BCAR3: variants seen among roughly 807,000 people sequenced by gnomAD.
The protein encoded by BCAR3 is BCAR3 adaptor protein, NSP family member, also known as breast cancer anti-estrogen resistance protein 3.
In BCAR3, 37 loss-of-function variants were observed where a neutral mutation model predicts 80.1. The observed-to-expected ratio is 0.46, with a 90% confidence interval of 0.36 to 0.61. The LOEUF (loss-of-function observed/expected upper bound fraction) is 0.61, where lower values mean the gene tolerates loss of function less well. Among genes scored for constraint, BCAR3 ranks in the 20% least tolerant of loss-of-function variants. BCAR3 has a pLI of 0.00. For missense variants in BCAR3, 978 were observed against 1,068.2 expected (o/e 0.92, Z 1.18); for synonymous variants, 389 against 418.9 (o/e 0.93, Z 0.87).
At chr1:93,830,808 C>T (rs1654536256) in intron 2 of BCAR3, among the ~76,000 whole-genome samples, 1 of 152,170 alleles carries the variant, frequency 6.6e-6, no homozygotes, top group Non-Finnish European at 1.5e-5. Flanking sequence ...TGTCTTTGCC[C>T]TCACTCTGTG....
chr1:93,724,172 G>A (rs1650501146), intron 2 of BCAR3, among the ~76,000 whole-genome samples: 1 of 152,216 alleles, frequency 6.6e-6, no homozygotes, highest in Admixed American at 6.5e-5. Context: ...GAGCCACAGA[G>A]GGGAGCCCCA....
In BCAR3 at chr1:93,567,286, G is replaced by A. The variant is rs774605474; in HGVS notation, c.2292C>T (p.Ile764=). 3 of 1,613,804 alleles carry A rather than the reference G, an allele frequency of 1.9e-6. No homozygotes were observed. The highest frequency in any genetic ancestry group is 1.7e-5 in the Admixed American group (1 of 59,990). ...ADSYRMNAER[I]LAGFQPDEEM... ...ACAAAACCCATCTCTTACCTGCCAG[G>A]ATCCTCTCAGCATTCATCCGGTAGC... Residue 764 remains isoleucine (I), a synonymous_variant, in exon 11 of 12, where the codon ATC becomes ATT. Coordinates refer to ENST00000260502, the MANE Select transcript of BCAR3 (RefSeq NM_003567.4).
At position 93,739,129 on chromosome 1, in the gene BCAR3, A is replaced by G. The variant is rs138757690; in HGVS notation, c.-62-32987T>C. Among the ~76,000 whole-genome samples the G allele has an allele frequency of 1.5e-4, 23 of 152,290 alleles. No individual in the cohort carries two copies. In the East Asian group the frequency reaches 4.4e-3, roughly 29 times the overall value. On this transcript the variant is annotated intron_variant, in intron 2 of 13. Coordinates refer to the BCAR3 transcript ENST00000370244. ...CCCAGGTTCTGCTCCCTGGGTTTCA[A>G]GCGGTACAACTGGGAAATAAACTTC...
At chr1:93,623,376 T>C (rs565649199) in intron 3 of BCAR3, among the ~76,000 whole-genome samples, 2 of 152,272 alleles carry the variant, frequency 1.3e-5, no homozygotes, top group South Asian at 4.1e-4. Flanking sequence ...TTCATCCTTT[T>C]AATGGATGTG....
intron 7 of BCAR3, among the ~76,000 whole-genome samples, chr1:93,577,115 C>T (rs1204651653): frequency 2.0e-5 from 3 of 152,322 alleles, no homozygotes; most frequent in Non-Finnish European, 2.9e-5. Context: ...GATCATGTCA[C>T]TGTACTTAAG....
At chr1:93,782,804 T>C (rs574056034) in intron 2 of BCAR3, among the ~76,000 whole-genome samples, 1 of 152,198 alleles carries the variant, frequency 6.6e-6, no homozygotes, top group African/African-American at 2.4e-5. Flanking sequence ...TAGTATACGA[T>C]TGATGGATTT....
chr1:93,607,554 C>A (rs557281245), intron 3 of BCAR3, among the ~76,000 whole-genome samples: 1 of 151,860 alleles, frequency 6.6e-6, no homozygotes, highest in African/African-American at 2.4e-5. Flanking sequence ...TAGAGTCCAA[C>A]GCCCAAGCTC....
intron 2 of BCAR3, among the ~76,000 whole-genome samples, chr1:93,766,729 G>A (rs898143996): frequency 3.3e-5 from 5 of 152,228 alleles, no homozygotes; most frequent in African/African-American, 9.6e-5. Flanking sequence ...AGGATAAACC[G>A]ATTGTGCTGG....
chr1:93,691,960 A>G (rs1168270246), intron 3 of BCAR3, among the ~76,000 whole-genome samples: 1 of 152,206 alleles, frequency 6.6e-6, no homozygotes, highest in African/African-American at 2.4e-5. Context: ...ACTTGGTTAC[A>G]CTATTCTCTC....
rs566694086 is a variant in BCAR3 at position 93,586,018 on chromosome 1, G to A, written c.930-1897C>T. ...GAAATAAGTGTATCATGGAGAATGG[G>A]GTATCCATGCCCTCTAGCATTTATC... is the stretch of plus-strand genomic sequence containing the variant. On this transcript the variant is annotated intron_variant, in intron 5 of 11. Coordinates refer to ENST00000260502, the MANE Select transcript of BCAR3 (RefSeq NM_003567.4). This position sits in a 1 kb window ranked among gnomAD's most constrained non-coding sequence, Gnocchi z 4.2. Among the ~76,000 whole-genome samples, 12 of 152,184 alleles carry A rather than the reference G, an allele frequency of 7.9e-5. No individual in the cohort carries two copies. Among genetic ancestry groups the A allele is most frequent in the African/African-American group, 2.9e-4 (12 of 41,502 alleles).
chr1:93,616,728 A>G (rs979494462), intron 3 of BCAR3, among the ~76,000 whole-genome samples: 2 of 152,206 alleles, frequency 1.3e-5, no homozygotes, highest in Non-Finnish European at 2.9e-5. Flanking sequence ...ATTTGGATAC[A>G]GGGCTTTCTA....
intron 2 of BCAR3, among the ~76,000 whole-genome samples, chr1:93,790,239 A>G (rs1653094108): frequency 6.6e-6 from 1 of 152,218 alleles, no homozygotes; most frequent in Admixed American, 6.5e-5. Flanking sequence ...ACAATGAAGA[A>G]AAGAAATAAC....
chr1:93,589,701 G>A (rs1674092938), intron 4 of BCAR3, among the ~76,000 whole-genome samples: 1 of 152,196 alleles, frequency 6.6e-6, no homozygotes, highest in African/African-American at 2.4e-5. Flanking sequence ...CCTGTTTTTG[G>A]TGGGGAGCTT....
At chr1:93,713,367 A>G (rs571081272) in intron 2 of BCAR3, among the ~76,000 whole-genome samples, 1 of 152,254 alleles carries the variant, frequency 6.6e-6, no homozygotes, top group Non-Finnish European at 1.5e-5. Context: ...AGAAGGACCA[A>G]TTATTTAATG....
chr1:93,604,705 G>A (rs749324141), intron 3 of BCAR3, among the ~76,000 whole-genome samples: 1 of 152,168 alleles, frequency 6.6e-6, no homozygotes, highest in African/African-American at 2.4e-5. Flanking sequence ...TGCTTTTGAA[G>A]CTCAGTTTTA....
At chr1:93,812,303 T>C (rs1653873857) in intron 2 of BCAR3, among the ~76,000 whole-genome samples, 1 of 152,126 alleles carries the variant, frequency 6.6e-6, no homozygotes, top group African/African-American at 2.4e-5. Flanking sequence ...AGCCCACCGC[T>C]GGGACCTCCT....
At chr1:93,667,312 AG>A (rs1647964760) in intron 2 of BCAR3, among the ~76,000 whole-genome samples, 1 of 152,210 alleles carries the variant, frequency 6.6e-6, no homozygotes, top group South Asian at 2.1e-4. Context: ...GATTCCCAGT[AG>A]GGTGTACCAG....
At chr1:93,711,949 C>T (rs1212365069) in intron 2 of BCAR3, among the ~76,000 whole-genome samples, 1 of 152,162 alleles carries the variant, frequency 6.6e-6, no homozygotes, top group Non-Finnish European at 1.5e-5. Flanking sequence ...GCTATTCCTT[C>T]CTCAAAGCTT....
intron 2 of BCAR3, among the ~76,000 whole-genome samples, chr1:93,756,973 C>T (rs774388818): frequency 6.6e-6 from 1 of 152,110 alleles, no homozygotes; most frequent in Non-Finnish European, 1.5e-5. Context: ...GGCAGAGATG[C>T]TGAGCTGGAC....
Sources: gnomAD v4.1 joint callset for allele counts (sites outside exome capture counted in the v4.1 genomes callset) on GRCh38, gnomAD v4.1.1 for gene constraint, Gnocchi (gnomAD v3.1) non-coding constraint, MANE v1.5 for transcripts, NCBI Gene and HGNC (gene_info 2026-07-23, HGNC 2026-07-21) for gene names.